Variants in RAB40A observed in about 807,000 individuals in gnomAD.
The protein encoded by RAB40A is RAB40A, member RAS oncogene family.
For synonymous variants in RAB40A, 65 were observed against 99.9 expected (o/e 0.65, Z 2.08); for missense variants, 145 against 230.2 (o/e 0.63, Z 2.40).
At chrX:103,508,443 TATGAGGGGTTA>T (rs2073268610) in intron 2 of RAB40A, among the ~76,000 whole-genome samples, 1 of 111,772 alleles carries the variant, frequency 8.9e-6, no homozygotes, top group Non-Finnish European at 1.9e-5. Flanking sequence ...TACTGAGCTG[TATGAGGGGTTA>T]ATGAGAAAAC....
intron 2 of RAB40A, among the ~76,000 whole-genome samples, chrX:103,508,120 A>C (rs1050305437): frequency 1.8e-5 from 2 of 112,219 alleles, no homozygotes; most frequent in African/African-American, 6.5e-5. Context: ...TACAGCCCTT[A>C]GTGGGGTTTT....
chrX:103,504,436 A>G (rs892584347), intron 2 of RAB40A, among the ~76,000 whole-genome samples: 1 of 112,095 alleles, frequency 8.9e-6, no homozygotes, highest in Non-Finnish European at 1.9e-5. Flanking sequence ...GTTTGGGTAC[A>G]TCATTTTTTA....
chrX:103,507,600 TTAAG>T (rs2073263120), intron 2 of RAB40A, among the ~76,000 whole-genome samples: 1 of 111,080 alleles, frequency 9.0e-6, no homozygotes, highest in African/African-American at 3.4e-5. Context: ...AAAAAAACCC[TTAAG>T]TAATTCCAAA....
intron 2 of RAB40A, chrX:103,501,248 C>T (rs187306733): frequency 1.6e-5 from 2 of 126,635 alleles, no homozygotes; most frequent in Admixed American, 9.0e-5. Flanking sequence ...AAAAGGCAAA[C>T]TCAGAAATGT....
intron 1 of RAB40A, among the ~76,000 whole-genome samples, chrX:103,518,733 G>A (rs1255480376): frequency 9.0e-6 from 1 of 111,589 alleles, no homozygotes; most frequent in Non-Finnish European, 1.9e-5. Flanking sequence ...CTTGCCTTTG[G>A]AGAACCCTAG....
chrX:103,502,855 G>A, intron 2 of RAB40A: 1 of 762,632 alleles, frequency 1.3e-6, no homozygotes, highest in Non-Finnish European at 1.6e-6. Context: ...AGGAGCAAAT[G>A]AGAAAACCTG....
At chrX:103,517,111 G>GAAC (rs1343038331) in intron 2 of RAB40A, among the ~76,000 whole-genome samples, 2 of 111,635 alleles carry the variant, frequency 1.8e-5, no homozygotes, top group Non-Finnish European at 3.8e-5. Flanking sequence ...TACGCTCAAA[G>GAAC]AACACTTTAA....
At chrX:103,512,376 C>A (rs2073295421) in intron 2 of RAB40A, among the ~76,000 whole-genome samples, 1 of 109,834 alleles carries the variant, frequency 9.1e-6, no homozygotes, top group Non-Finnish European at 1.9e-5. Context: ...GTAGCACATG[C>A]TGGTTAGATA....
At chrX:103,501,031 T>C (rs1232417632) in intron 2 of RAB40A, 1 of 371,497 alleles carries the variant, frequency 2.7e-6, no homozygotes, top group Non-Finnish European at 4.7e-6. Flanking sequence ...CTTAAAACTT[T>C]CATGTGATCG....
At chrX:103,494,916 A>T (rs1454728256), downstream of RAB40A, among the ~76,000 whole-genome samples, 3 of 111,815 alleles carry the variant, frequency 2.7e-5, no homozygotes, top group African/African-American at 9.7e-5. Context: ...TTGTGATTCT[A>T]TATGAATTTT....
At chrX:103,494,864 T>C (rs192118245), downstream of RAB40A, among the ~76,000 whole-genome samples, 15 of 111,703 alleles carry the variant, frequency 1.3e-4, no homozygotes, top group Admixed American at 6.7e-4. Context: ...TCCTCCAGTT[T>C]TGTTCTTTTT....
At chrX:103,495,125 T>C (rs890085400), downstream of RAB40A, among the ~76,000 whole-genome samples, 2 of 112,052 alleles carry the variant, frequency 1.8e-5, no homozygotes, top group African/African-American at 6.5e-5. Context: ...TAGAGGCCTT[T>C]CACTTCTTTG....
intron 2 of RAB40A, among the ~76,000 whole-genome samples, chrX:103,504,507 A>G: frequency 9.0e-6 from 1 of 110,914 alleles, no homozygotes; most frequent in African/African-American, 3.3e-5. Flanking sequence ...GCATCAGAAT[A>G]TATATATATT....
intron 2 of RAB40A, among the ~76,000 whole-genome samples, chrX:103,504,552 T>C (rs1410140342): frequency 1.8e-5 from 2 of 111,685 alleles, no homozygotes; most frequent in Non-Finnish European, 3.8e-5. Context: ...TGGACAGTCT[T>C]GCTCTGACGC....
Position 103,513,883 on chromosome X carries a change from C to T in RAB40A, c.-71+3491G>A, listed in dbSNP as rs548546738. 4.6e-5 allele frequency among the ~76,000 whole-genome samples: 5 copies of T among 108,194 alleles called. No homozygotes were observed. In the Middle Eastern group the frequency reaches 0.019, roughly 401 times the overall value. The allele number at this position is 108,194 out of a possible 115,157, so 94.0% of individuals were successfully genotyped here. ...GCAACATAAGGAGGCTAAAGAGCTC[C>T]TGTCTCAAGAAAACACACACACACA... On this transcript the variant is annotated intron_variant, in intron 2 of 2. Coordinates refer to ENST00000304236, the MANE Select transcript of RAB40A (RefSeq NM_080879.3).
intron 2 of RAB40A, among the ~76,000 whole-genome samples, chrX:103,509,822 T>G (rs769637984): frequency 2.8e-4 from 30 of 107,117 alleles, no homozygotes; most frequent in Middle Eastern, 4.8e-3. Flanking sequence ...TTTTTTTTTT[T>G]TAAGACGGAG....
At chrX:103,504,036 T>C (rs1325666854) in intron 2 of RAB40A, among the ~76,000 whole-genome samples, 3 of 111,995 alleles carry the variant, frequency 2.7e-5, no homozygotes, top group Admixed American at 9.5e-5. Flanking sequence ...TGCAGCAACA[T>C]AGATGCATCT....
intron 2 of RAB40A, chrX:103,502,609 G>T: frequency 2.3e-6 from 1 of 441,897 alleles, no homozygotes; most frequent in Non-Finnish European, 2.9e-6. Flanking sequence ...ACCCAGAGGG[G>T]TTGTGGAGTG....
In RAB40A at chrX:103,500,312, C is replaced by A; in HGVS notation, c.445G>T (p.Gly149Cys). Residue 149 changes from glycine (G) to cysteine (C), a missense_variant, in exon 3 of 3, where the codon GGT becomes TGT. Physicochemically the swap from Gly to Cys is radical, Grantham distance 159. Coordinates refer to ENST00000304236, the MANE Select transcript of RAB40A (RefSeq NM_080879.3). ...GGGCTGACCTCAAAGAAGGTCACAC[C>A]CAGGCGCTCGGCGTAGGCCTGGGCC... Reference protein sequence around the residue: ...EQAQAYAERLGVTFFEVSPLC... With the variant: ...EQAQAYAERLCVTFFEVSPLC... 2.5e-6 allele frequency: 3 copies of A among 1,211,995 alleles called. No individual in the cohort carries two copies. Among genetic ancestry groups the A allele is most frequent in the Non-Finnish European group, 3.4e-6 (3 of 895,486 alleles).
Sources: gnomAD v4.1 joint callset for allele counts (sites outside exome capture counted in the v4.1 genomes callset) on GRCh38, gnomAD v4.1.1 for gene constraint, MANE v1.5 for transcripts, NCBI Gene and HGNC (gene_info 2026-07-23, HGNC 2026-07-21) for gene names.